VAT1L: variants seen among roughly 807,000 people sequenced by gnomAD.
VAT1L encodes the protein putative NADPH-dependent quinone oxidoreductase VAT1L.
A neutral mutation model predicts 44.1 loss-of-function variants in VAT1L; 34 were observed. The observed-to-expected ratio is 0.77, with a 90% CI of 0.59 to 1.03. The LOEUF is 1.03. VAT1L is among the 50% of genes least tolerant of loss of function. The pLI is 0.00. For missense variants in VAT1L, 615 were observed against 538.8 expected, an observed-to-expected ratio of 1.14 and a Z score of -1.40; for synonymous variants, 253 against 202.2, an observed-to-expected ratio of 1.25 and a Z score of -2.13.
chr16:77,858,533 G>A (rs1451788413), intron 3 of VAT1L, among the ~76,000 whole-genome samples: 1 of 152,222 alleles, frequency 6.6e-6, no homozygotes, highest in Admixed American at 6.5e-5. Flanking sequence ...TAATCTCACA[G>A]TAAACCTAGA....
intron 7 of VAT1L, among the ~76,000 whole-genome samples, chr16:77,964,779 C>CTTTTTTTTTTTTTTTTTT (rs10566511): frequency 8.7e-5 from 8 of 91,882 alleles, no homozygotes; most frequent in East Asian, 3.9e-4. Context: ...CTTTGTAGCA[C>CTTTTTTTTTTTTTTTTTT]TTTTTTTTTT....
In VAT1L at chr16:77,825,311, G is replaced by A. The variant is rs984212183; in HGVS notation, c.429G>A (p.Val143=). 1.9e-5 allele frequency: 31 copies of A among 1,614,052 alleles called. No homozygotes were observed. The highest frequency in any genetic ancestry group is 2.5e-5 in the Non-Finnish European group (30 of 1,180,052). ...NAWAEVVCTP[V]EFVYKIPDDM... ...GGGCAGAGGTGGTCTGCACACCAGT[G>A]GAGTTTGTCTACAAGATCCCGGATG... is the stretch of plus-strand genomic sequence containing the variant. The change falls in exon 3 of 9, where the codon GTG becomes GTA. Residue 143 remains valine, a synonymous_variant. Transcript: ENST00000302536.
intron 7 of VAT1L, among the ~76,000 whole-genome samples, chr16:77,960,197 A>G (rs941960167): frequency 6.6e-6 from 1 of 152,084 alleles, no homozygotes; most frequent in Non-Finnish European, 1.5e-5. Context: ...AAGCCTCACC[A>G]GCTTAGGGGG....
At chr16:77,871,425 A>G (rs2142449610) in intron 4 of VAT1L, among the ~76,000 whole-genome samples, 1 of 152,258 alleles carries the variant, frequency 6.6e-6, no homozygotes, top group South Asian at 2.1e-4. Context: ...TAAGCCCAAG[A>G]AAGCACCCCC....
chr16:77,946,279 CT>C (rs66461822), intron 7 of VAT1L, among the ~76,000 whole-genome samples: 56 of 70,410 alleles, frequency 8.0e-4, no homozygotes, highest in Admixed American at 1.8e-3. Flanking sequence ...GTTACTTGTT[CT>C]TTTTTTTTTT....
At chr16:77,839,183 G>A (rs1054763169) in intron 3 of VAT1L, among the ~76,000 whole-genome samples, 1 of 152,090 alleles carries the variant, frequency 6.6e-6, no homozygotes, top group Non-Finnish European at 1.5e-5. Flanking sequence ...GTCTGAAGGA[G>A]GGGGAGGGAA....
At chr16:77,798,941 T>C (rs1376358321) in intron 1 of VAT1L, among the ~76,000 whole-genome samples, 1 of 151,962 alleles carries the variant, frequency 6.6e-6, no homozygotes, top group Non-Finnish European at 1.5e-5. Context: ...CCTGGGATTC[T>C]AGGCTTTCTC....
intron 1 of VAT1L, among the ~76,000 whole-genome samples, chr16:77,804,185 C>G (rs969944889): frequency 6.6e-6 from 1 of 152,268 alleles, no homozygotes; most frequent in African/African-American, 2.4e-5. Context: ...CAGTCACTGC[C>G]GAACACCTGT....
At chr16:77,885,483 G>T (rs2017200337) in intron 7 of VAT1L, among the ~76,000 whole-genome samples, 1 of 152,152 alleles carries the variant, frequency 6.6e-6, no homozygotes, top group African/African-American at 2.4e-5. Context: ...GGCATTTGGG[G>T]AGTCAGTTAA....
At chr16:77,899,671 CAACT>C (rs1444033974) in intron 7 of VAT1L, among the ~76,000 whole-genome samples, 2 of 152,174 alleles carry the variant, frequency 1.3e-5, no homozygotes, top group African/African-American at 4.8e-5. Flanking sequence ...CAACAGACAC[CAACT>C]GAGTGAGGAT....
chr16:77,867,049 C>T (rs2016982385), intron 4 of VAT1L, among the ~76,000 whole-genome samples: 1 of 152,158 alleles, frequency 6.6e-6, no homozygotes. Context: ...CTCCTGCCAT[C>T]CTGCTACGAG....
chr16:77,793,953 C>A (rs2015882180), intron 1 of VAT1L, among the ~76,000 whole-genome samples: 1 of 152,166 alleles, frequency 6.6e-6, no homozygotes, highest in Admixed American at 6.5e-5. Context: ...AATGACAACT[C>A]AACAAAATCA....
chr16:77,879,371 A>G lies in VAT1L; in HGVS notation c.882+147A>G, dbSNP rs1262393128. ...AATGGCACGATCTCGGCTCATGGCA[A>G]CCTCCGACTCCCTGGTTCAAGCGAT... On this transcript the variant is annotated intron_variant, in intron 6 of 8. Coordinates refer to ENST00000302536, the MANE Select transcript of VAT1L (RefSeq NM_020927.3). This position sits in a 1 kb window ranked among gnomAD's most constrained non-coding sequence, Gnocchi z 4.1. 1.2e-6 allele frequency: 1 copy of G among 811,842 alleles called. No homozygotes were observed. The highest frequency in any genetic ancestry group is 2.0e-6 in the Non-Finnish European group (1 of 492,974). 50.3% of individuals were successfully genotyped at this position (811,842 alleles called of 1,614,324 possible).
chr16:77,883,808 G>T (rs1006975772), intron 6 of VAT1L, among the ~76,000 whole-genome samples: 2 of 152,032 alleles, frequency 1.3e-5, no homozygotes, highest in African/African-American at 4.8e-5. Context: ...CGCCTCCCCA[G>T]ATTTAGCCTT....
At chr16:77,799,706 G>A (rs1397757140) in intron 1 of VAT1L, among the ~76,000 whole-genome samples, 2 of 152,166 alleles carry the variant, frequency 1.3e-5, no homozygotes, top group Non-Finnish European at 2.9e-5. Flanking sequence ...AGTAAAAAGT[G>A]AAGAATCGGA....
chr16:77,968,692 T>A (rs1279661625), intron 7 of VAT1L, among the ~76,000 whole-genome samples: 1 of 146,038 alleles, frequency 6.8e-6, no homozygotes. Flanking sequence ...GCCACTGCAC[T>A]CCAGCGTGGG....
At position 77,884,207 on chromosome 16, in the gene VAT1L, C is replaced by T. The variant is rs1391102421; in HGVS notation, c.883-401C>T. The stretch of plus-strand genomic sequence containing the variant: ...ACCACTGTCCAAGGCGGGTGGATCA[C>T]GAGGTCAGGAGTTCAAGACCAGCCT... On this transcript the variant is annotated intron_variant, in intron 6 of 8. Transcript: ENST00000302536. This position sits in a 1 kb window ranked among gnomAD's most constrained non-coding sequence, Gnocchi z 4.5. Among the ~76,000 whole-genome samples, 2 of 151,918 alleles carry T rather than the reference C, an allele frequency of 1.3e-5. No individual in the cohort carries two copies. The highest frequency in any genetic ancestry group is 2.9e-5 in the Non-Finnish European group (2 of 67,978).
In VAT1L at chr16:77,884,694, CA is replaced by C. The variant is rs751659403; in HGVS notation, c.972del (p.Lys324AsnfsTer16). ...AGFSLLNLLFKQGRAGLIRGV... is the reference protein window; with the variant it reads ...AGFSLLNLLFXQGRAGLIRGV... ...GGTTTTCCCTTTTAAATCTGCTCTT[CA>C]AACAAGGCCGGGCGGGCCTCATTCG... is the stretch of plus-strand genomic sequence containing the variant. On this transcript the variant is annotated frameshift_variant, in exon 7 of 9. Transcript: ENST00000302536. LOFTEE classifies it high-confidence loss of function. This position sits in a 1 kb window ranked among gnomAD's most constrained non-coding sequence, Gnocchi z 4.5. 6.2e-7 allele frequency: 1 copy of C among 1,612,412 alleles called. No homozygotes were observed. Among genetic ancestry groups the C allele is most frequent in the Non-Finnish European group, 8.5e-7 (1 of 1,179,298 alleles).
In VAT1L at chr16:77,949,707, C is replaced by T. The variant is rs546027633; in HGVS notation, c.1078-22143C>T. Among the ~76,000 whole-genome samples the T allele has an allele frequency of 7.2e-5, 11 of 152,342 alleles. No homozygotes were observed. The South Asian group carries it at 2.1e-3, about 29-fold the overall frequency. On this transcript the variant is annotated intron_variant, in intron 7 of 8. Coordinates refer to ENST00000302536, the MANE Select transcript of VAT1L (RefSeq NM_020927.3). ...CTGCACCTTCCGCCATGAGCAGAAA[C>T]AGCCTGGGGCTTCCACCAGATGCTC...
Sources: gnomAD v4.1 joint callset for allele counts (sites outside exome capture counted in the v4.1 genomes callset) on GRCh38, gnomAD v4.1.1 for gene constraint, Gnocchi (gnomAD v3.1) non-coding constraint, MANE v1.5 for transcripts, NCBI Gene and HGNC (gene_info 2026-07-23, HGNC 2026-07-21) for gene names.